USP34: variants seen among roughly 807,000 people sequenced by gnomAD.
The protein encoded by USP34 is ubiquitin specific peptidase 34.
USP34 carries 70 observed loss-of-function variants against 460.3 expected under a neutral mutation model. The observed-to-expected ratio is 0.15, with a 90% confidence interval of 0.13 to 0.19. The LOEUF is 0.19. USP34 is among the 10% of genes least tolerant of loss of function. The probability of loss-of-function intolerance (pLI) is 1.00; values close to 1 mark genes in which losing one functional copy is unlikely to be tolerated. For synonymous variants in USP34, 1,647 were observed against 1,405.3 expected, an observed-to-expected ratio of 1.17 and a Z score of -3.85; for missense variants, 3,985 against 4,236.2, an observed-to-expected ratio of 0.94 and a Z score of 1.65.
chr2:61,408,986 A>C (rs534823005), intron 2 of USP34, among the ~76,000 whole-genome samples: 350 of 151,640 alleles, frequency 2.3e-3, no homozygotes, highest in Non-Finnish European at 3.8e-3. Context: ...TTGGGAGGCC[A>C]AAGTGGGCAG....
chr2:61,379,279 G>T (rs2103860093), intron 7 of USP34, among the ~76,000 whole-genome samples: 1 of 152,338 alleles, frequency 6.6e-6, no homozygotes, highest in East Asian at 1.9e-4. Context: ...AACACTTTGG[G>T]AGGATGAGGC....
At chr2:61,228,370 T>C (rs902398859) in intron 61 of USP34, among the ~76,000 whole-genome samples, 4 of 152,342 alleles carry the variant, frequency 2.6e-5, no homozygotes, top group Admixed American at 6.5e-5. Flanking sequence ...CAATTCACTA[T>C]TGATAAGACC....
chr2:61,399,728 C>T (rs1693652081), intron 3 of USP34, among the ~76,000 whole-genome samples: 1 of 151,706 alleles, frequency 6.6e-6, no homozygotes, highest in Admixed American at 6.6e-5. Flanking sequence ...AAAAAATTAG[C>T]CAGGCGTGGT....
chr2:61,269,345 T>A lies in USP34; in HGVS notation c.5434-3178A>T, dbSNP rs930386193. ...CTAATTTTTTTTTTTTTTTTTTTTT[T>A]AATAGAGACAGGGTTTCACCAGGTT... On this transcript the variant is annotated intron_variant, in intron 41 of 79. Coordinates refer to ENST00000398571, the MANE Select transcript of USP34 (RefSeq NM_014709.4). Among the ~76,000 whole-genome samples the A allele has an allele frequency of 1.2e-4, 16 of 132,604 alleles. No homozygotes were observed. The South Asian group carries it at 1.5e-3, about 12-fold the overall frequency. 87.0% of individuals were successfully genotyped at this position (132,604 alleles called of 152,430 possible).
chr2:61,346,384 G>A (rs898411273), intron 15 of USP34: 1 of 151,094 alleles, frequency 6.6e-6, no homozygotes, highest in Non-Finnish European at 1.5e-5. Context: ...GAATTAGCTA[G>A]GAGTGGCAAC....
At chr2:61,393,031 T>C (rs1693402096) in intron 5 of USP34, among the ~76,000 whole-genome samples, 1 of 152,228 alleles carries the variant, frequency 6.6e-6, no homozygotes, top group African/African-American at 2.4e-5. Flanking sequence ...ACACTTTATA[T>C]GTCAAGTGTT....
Position 61,188,943 on chromosome 2 carries a change from G to C in USP34, c.10000C>G (p.Gln3334Glu), listed in dbSNP as rs1686535197. 3.1e-6 allele frequency: 5 copies of C among 1,614,024 alleles called. No homozygotes were observed. The East Asian group carries it at 1.1e-4, about 36-fold the overall frequency. ...RTCLQQRNSL[Q>E]EQEAKERKTK... Reference sequence around the variant, plus strand: ...TTTCTTTCTTTGGCTTCTTGCTCTTGGAGTGAGTTTCTCTGTTGCAGACAA... The same window carrying C: ...TTTCTTTCTTTGGCTTCTTGCTCTTCGAGTGAGTTTCTCTGTTGCAGACAA... The change falls in exon 79 of 80, where the codon CAA becomes GAA. Residue 3334 changes from glutamine to glutamate, a missense_variant. Transcript: ENST00000398571.
At chr2:61,302,308 C>A (rs1192530204) in intron 27 of USP34, among the ~76,000 whole-genome samples, 1 of 152,108 alleles carries the variant, frequency 6.6e-6, no homozygotes, top group South Asian at 2.1e-4. Flanking sequence ...TTCATAATGA[C>A]ACATAACATT....
rs892792537 is a variant in USP34 at position 61,187,832 on chromosome 2, A to C, written c.*270T>G. On this transcript the variant is annotated 3_prime_UTR_variant, in exon 80 of 80. Transcript: ENST00000398571. Reference sequence around the variant, plus strand: ...GGCTAGGCAACCCTGTTCTTCCCAGACAGCCATATTAAATGAAAGCCACTA... The same window carrying C: ...GGCTAGGCAACCCTGTTCTTCCCAGCCAGCCATATTAAATGAAAGCCACTA... The C allele has an allele frequency of 5.2e-6, 6 of 1,153,908 alleles. No individual in the cohort carries two copies. The African/African-American group carries it at 8.0e-5, about 15-fold the overall frequency. The allele number at this position is 1,153,908 out of a possible 1,614,324, so 71.5% of individuals were successfully genotyped here. A position where few individuals can be genotyped will look rare whatever the true frequency, so the allele number is the denominator to read the frequency against.
chr2:61,311,549 C>G lies in USP34; in HGVS notation c.3808G>C (p.Glu1270Gln). 6.3e-7 allele frequency: 1 copy of G among 1,592,334 alleles called. No homozygotes were observed. The highest frequency in any genetic ancestry group is 8.5e-7 in the Non-Finnish European group (1 of 1,171,456). ...QEFGQSNRKG[E>Q]FPGGLMGPVR... is the part of the protein sequence containing the mutation. ...GAATTGAAAGGCTTACCAGGAAACTCTCCTTTTCGGTTGCTTTGACCAAAC... is the reference window on the plus strand; with the variant it reads ...GAATTGAAAGGCTTACCAGGAAACTGTCCTTTTCGGTTGCTTTGACCAAAC... The change falls in exon 27 of 80, where the codon GAG (glutamate) becomes CAG (glutamine). Residue 1270 changes from glutamate to glutamine, a missense_variant. Coordinates refer to ENST00000398571, the MANE Select transcript of USP34 (RefSeq NM_014709.4).
intron 75 of USP34, among the ~76,000 whole-genome samples, chr2:61,201,672 CCAT>C (rs1686981973): frequency 6.6e-6 from 1 of 152,144 alleles, no homozygotes; most frequent in African/African-American, 2.4e-5. Flanking sequence ...CATTTCTCCA[CCAT>C]GTTTAATTCC....
intron 62 of USP34, among the ~76,000 whole-genome samples, chr2:61,224,265 C>A (rs1687669276): frequency 6.6e-6 from 1 of 152,184 alleles, no homozygotes; most frequent in South Asian, 2.1e-4. Context: ...TGTTGAAGGT[C>A]ATTTGTCCTG....
At chr2:61,238,116 G>A (rs1688125829) in intron 53 of USP34, among the ~76,000 whole-genome samples, 4 of 151,578 alleles carry the variant, frequency 2.6e-5, no homozygotes, top group Admixed American at 6.6e-5. Flanking sequence ...GGCTGGTCTC[G>A]AACTGCTGAC....
chr2:61,331,542 GTTCC>G, intron 19 of USP34, among the ~76,000 whole-genome samples, 171 bp from the exon 20 acceptor site: 1 of 151,920 alleles, frequency 6.6e-6, no homozygotes, highest in East Asian at 1.9e-4. Context: ...ATAAAGCAAT[GTTCC>G]TTCATTTTTA....
At chr2:61,316,210 G>A (rs1392082528) in intron 23 of USP34, among the ~76,000 whole-genome samples, 1 of 151,504 alleles carries the variant, frequency 6.6e-6, no homozygotes, top group African/African-American at 2.4e-5. Context: ...GCAAGGGTTA[G>A]GACTAAAAAA....
Position 61,190,265 on chromosome 2 carries a change from T to G in USP34, c.9873+6A>C. 6.2e-7 allele frequency: 1 copy of G among 1,611,352 alleles called. No homozygotes were observed. The highest frequency in any genetic ancestry group is 8.5e-7 in the Non-Finnish European group (1 of 1,179,204). The stretch of plus-strand genomic sequence containing the variant: ...GTGTGTGCCGCCGCCTCTGCATAGT[T>G]CTTACCCCATTTAAAGAAGCACTTG... On this transcript the variant is annotated splice_donor_region_variant and intron_variant, in intron 78 of 79. Coordinates refer to ENST00000398571, the MANE Select transcript of USP34 (RefSeq NM_014709.4).
At chr2:61,311,980 T>C in intron 25 of USP34, 70 bp from the exon 26 acceptor site, 1 of 1,558,806 alleles carries the variant, frequency 6.4e-7, no homozygotes, top group South Asian at 1.2e-5. Context: ...CGCAAATTTT[T>C]ATCATCTTAC....
intron 1 of USP34, among the ~76,000 whole-genome samples, chr2:61,459,352 T>C (rs1695532176): frequency 6.6e-6 from 1 of 152,204 alleles, no homozygotes; most frequent in African/African-American, 2.4e-5. Flanking sequence ...AGGAAAACAC[T>C]GTATAAGAAA....
At chr2:61,320,965 T>G (rs1690901765) in intron 21 of USP34, among the ~76,000 whole-genome samples, 2 of 151,630 alleles carry the variant, frequency 1.3e-5, no homozygotes, top group South Asian at 4.2e-4. Flanking sequence ...AGCTGAGGCC[T>G]CACCACTGCA....
Sources: gnomAD v4.1 joint callset for allele counts (sites outside exome capture counted in the v4.1 genomes callset) on GRCh38, gnomAD v4.1.1 for gene constraint, MANE v1.5 for transcripts, NCBI Gene and HGNC (gene_info 2026-07-23, HGNC 2026-07-21) for gene names.